Variants in BDP1 observed in about 807,000 individuals in gnomAD.
BDP1 encodes the protein BDP1 general transcription factor IIIB subunit.
A neutral mutation model predicts 266.6 loss-of-function variants in BDP1; 169 were observed. The observed-to-expected ratio is 0.63, with a 90% CI of 0.56 to 0.72. BDP1 has a LOEUF of 0.72. Among genes scored for constraint, BDP1 ranks in the 30% least tolerant of loss-of-function variants. The pLI, the probability that BDP1 is intolerant of heterozygous loss-of-function variation, is 0.00. For synonymous variants in BDP1, 1,090 were observed against 1,022.4 expected, an observed-to-expected ratio of 1.07 and a Z score of -1.26; for missense variants, 3,015 against 3,053.8, an observed-to-expected ratio of 0.99 and a Z score of 0.30.
Position 71,522,903 on chromosome 5 carries a change from T to G in BDP1, c.5341T>G (p.Ser1781Ala), listed in dbSNP as rs748025948. 6.2e-7 allele frequency: 1 copy of G among 1,607,774 alleles called. No homozygotes were observed. The highest frequency in any genetic ancestry group is 1.1e-5 in the South Asian group (1 of 88,972). Residue 1781 changes from serine to alanine, a missense_variant, in exon 24 of 39, where the codon TCA becomes GCA. This residue lies in a region of BDP1 where 2,383 missense variants were observed against 2,404.9 expected (regional missense o/e 0.99). Transcript: ENST00000358731. ...TGGAGAGGAAACTGTAGGAGATAAT[T>G]CACCATCTTCAGTTGTTGAAGAGCA... ...RVGEETVGDN[S>A]PSSVVEEQYL...
At chr5:71,516,422 A>ATT in intron 21 of BDP1, 151 bp downstream of exon 21, 1 of 538,316 alleles carries the variant, frequency 1.9e-6, no homozygotes, top group South Asian at 3.1e-5. Flanking sequence ...GCTCTTCTGG[A>ATT]TTTTTTTTTT....
At chr5:71,504,961 G>A (rs565669250) in intron 16 of BDP1, among the ~76,000 whole-genome samples, 5 of 152,256 alleles carry the variant, frequency 3.3e-5, no homozygotes, top group African/African-American at 7.2e-5. Flanking sequence ...GCTACTCATC[G>A]TAAATTAGTA....
At chr5:71,548,237 T>G (rs1742480968) in intron 32 of BDP1, among the ~76,000 whole-genome samples, 2 of 152,072 alleles carry the variant, frequency 1.3e-5, no homozygotes, top group African/African-American at 4.8e-5. Context: ...TGTGGTGAGC[T>G]GAGAGATTTT....
At position 71,512,377 on chromosome 5, in the gene BDP1, A is replaced by G; in HGVS notation, c.4196A>G (p.Gln1399Arg). ...QTHESDKTEV[Q>R]GIQSPDVPEQ... The stretch of plus-strand genomic sequence containing the variant: ...CATGAATCTGATAAAACAGAAGTCC[A>G]GGGGATTCAATCTCCAGATGTTCCA... Residue 1399 changes from glutamine (Q) to arginine (R), a missense_variant, in exon 18 of 39, where the codon CAG becomes CGG. Gln to Arg is a conservative substitution (Grantham distance 43, BLOSUM62 1). Coordinates refer to ENST00000358731, the MANE Select transcript of BDP1 (RefSeq NM_018429.3). 6 of 1,591,306 alleles carry G rather than the reference A, an allele frequency of 3.8e-6. No individual in the cohort carries two copies. Among genetic ancestry groups the G allele is most frequent in the African/African-American group, 1.4e-5 (1 of 73,618 alleles).
intron 1 of BDP1, 77 bp from the exon 2 acceptor site, chr5:71,458,502 C>T (rs1761334749): frequency 2.7e-6 from 3 of 1,095,964 alleles, no homozygotes; most frequent in East Asian, 2.6e-5. Context: ...TTTGGATTTT[C>T]ACCAGACTAG....
intron 25 of BDP1, among the ~76,000 whole-genome samples, chr5:71,526,721 T>C (rs1328085179): frequency 1.4e-5 from 2 of 146,266 alleles, no homozygotes; most frequent in Non-Finnish European, 3.0e-5. Flanking sequence ...GGGGTCTCAG[T>C]CTGTCACCCA....
rs563711611 is a variant in BDP1 at position 71,562,261 on chromosome 5, T to A, written c.7497-13T>A. 1.9e-5 allele frequency: 30 copies of A among 1,559,036 alleles called. 1 individual carries two copies. The African/African-American group carries it at 4.2e-4, about 22-fold the overall frequency. ...CTGGGTATTCTTGAATATCGTTACA[T>A]TTGTATTTCTAGACCTGGCAGAAGA... On this transcript the variant is annotated splice_polypyrimidine_tract_variant and intron_variant, in intron 37 of 38. Transcript: ENST00000358731.
In BDP1 at chr5:71,455,820, C is replaced by T; in HGVS notation, c.-58C>T. The T allele has an allele frequency of 6.9e-7, 1 of 1,456,206 alleles. No individual in the cohort carries two copies. The highest frequency in any genetic ancestry group is 9.3e-7 in the Non-Finnish European group (1 of 1,080,602). 90.2% of individuals were successfully genotyped at this position (1,456,206 alleles called of 1,614,324 possible). A position where few individuals can be genotyped will look rare whatever the true frequency, so the allele number is the denominator to read the frequency against. ...CCTAATCCCCTTTCCGGGCAGCCGC[C>T]GGGGCTCGGGGCTGTGAGCGGCCGT... On this transcript the variant is annotated 5_prime_UTR_variant, in exon 1 of 39. Transcript: ENST00000358731.
chr5:71,541,991 T>A (rs1336397485), intron 29 of BDP1, 114 bp from the exon 30 acceptor site: 19 of 802,960 alleles, frequency 2.4e-5, no homozygotes, highest in Admixed American at 6.6e-5. Flanking sequence ...TGAACACTTG[T>A]AGACAGTGTG....
rs191965399 is a variant in BDP1, at chr5:71,479,811, A to G, written c.1015-4031A>G. Among the ~76,000 whole-genome samples the G allele has an allele frequency of 3.5e-3, 525 of 151,950 alleles. 3 individuals carry two copies. Among genetic ancestry groups the G allele is most frequent in the African/African-American group, 0.012 (495 of 41,446 alleles). Reference sequence around the variant, plus strand: ...TCTGCCTGCCTCGGCCTCCCAAAGTACTGGGATTACAGGCGTGAGCCACCG... The same window carrying G: ...TCTGCCTGCCTCGGCCTCCCAAAGTGCTGGGATTACAGGCGTGAGCCACCG... On this transcript the variant is annotated intron_variant, in intron 7 of 38. Coordinates refer to ENST00000358731, the MANE Select transcript of BDP1 (RefSeq NM_018429.3).
At chr5:71,486,437 CT>C in intron 8 of BDP1, 46 bp from the exon 9 acceptor site, 1 of 1,489,768 alleles carries the variant, frequency 6.7e-7, no homozygotes. Flanking sequence ...CTAGAAGTAG[CT>C]TTTAAAAATA....
Position 71,552,832 on chromosome 5 carries a change from A to G in BDP1, c.6996-284A>G, listed in dbSNP as rs375755174. On this transcript the variant is annotated intron_variant, in intron 34 of 38. Transcript: ENST00000358731. ...GTGGAAAGAGAGGGAGAGGGAGACC[A>G]TGGGGAGAGGGAGAGGGAGAGGGTA... Among the ~76,000 whole-genome samples the G allele has an allele frequency of 2.9e-3, 422 of 148,062 alleles. 3 individuals carry two copies. The highest frequency in any genetic ancestry group is 0.01 in the African/African-American group (401 of 39,866).
At chr5:71,530,330 G>C (rs547919014) in intron 25 of BDP1, among the ~76,000 whole-genome samples, 1 of 152,104 alleles carries the variant, frequency 6.6e-6, no homozygotes, top group Non-Finnish European at 1.5e-5. Context: ...CGCCTCCCAG[G>C]CTCAAGCAAT....
In BDP1 at chr5:71,510,195, A is replaced by G; in HGVS notation, c.3103A>G (p.Ile1035Val). The change falls in exon 17 of 39, where the codon ATA (isoleucine) becomes GTA (valine). Residue 1035 changes from isoleucine to valine, a missense_variant. Coordinates refer to ENST00000358731, the MANE Select transcript of BDP1 (RefSeq NM_018429.3). ...TPEVIDATEE[I>V]DLEETEREVS... ...AGAGGTGATTGATGCTACTGAGGAA[A>G]TAGATTTGGAAGAAACTGAAAGAGA... 1.9e-6 allele frequency: 3 copies of G among 1,613,890 alleles called. No individual in the cohort carries two copies. Among genetic ancestry groups the G allele is most frequent in the Non-Finnish European group, 2.5e-6 (3 of 1,179,974 alleles).
intron 31 of BDP1, 67 bp from the exon 32 acceptor site, chr5:71,544,972 C>G: frequency 6.9e-7 from 1 of 1,443,938 alleles, no homozygotes; most frequent in South Asian, 1.2e-5. Context: ...TTTTACACAC[C>G]TAGCTCTAAA....
chr5:71,528,704 T>G (rs1445973267), intron 25 of BDP1, among the ~76,000 whole-genome samples: 1 of 152,204 alleles, frequency 6.6e-6, no homozygotes, highest in African/African-American at 2.4e-5. Context: ...TTAGAGTAAA[T>G]GAACTAATAA....
chr5:71,511,619 CCT>C (rs1407917090), intron 17 of BDP1, among the ~76,000 whole-genome samples: 2 of 152,024 alleles, frequency 1.3e-5, no homozygotes, highest in Admixed American at 1.3e-4. Context: ...TGTACTCCAC[CCT>C]GGGTGACAGA....
intron 36 of BDP1, among the ~76,000 whole-genome samples, chr5:71,557,779 C>T (rs930459924): frequency 6.6e-6 from 1 of 152,104 alleles, no homozygotes; most frequent in Non-Finnish European, 1.5e-5. Flanking sequence ...TTCAAGCAGT[C>T]TGCCCACCCC....
At chr5:71,487,552 G>A (rs2150404416) in intron 9 of BDP1, among the ~76,000 whole-genome samples, 1 of 152,044 alleles carries the variant, frequency 6.6e-6, no homozygotes, top group South Asian at 2.1e-4. Context: ...CCTTTGTATT[G>A]GTTTTAATCA....
Sources: allele counts gnomAD v4.1 joint callset (sites outside exome capture counted in the v4.1 genomes callset), GRCh38; gene constraint gnomAD v4.1.1; regional missense constraint gnomAD v4.1.1; transcripts MANE v1.5; gene names NCBI Gene and HGNC (gene_info 2026-07-23, HGNC 2026-07-21).